The following HCRTR2 variants were observed in gnomAD, a reference collection of about 807,000 sequenced individuals.
HCRTR2 encodes orexin receptor type 2.
HCRTR2 carries 22 observed loss-of-function variants against 49.0 expected under a neutral mutation model. The observed-to-expected ratio is 0.45, with a 90% confidence interval of 0.32 to 0.64. The LOEUF is 0.64. HCRTR2 is among the 30% of genes least tolerant of loss of function. HCRTR2 has a pLI of 0.04. For synonymous variants in HCRTR2, 236 were observed against 205.3 expected (o/e 1.15, Z -1.28); for missense variants, 491 against 559.4 (o/e 0.88, Z 1.23).
At chr6:55,141,021 TGACA>T (rs1180371489) in intron 1 of HCRTR2, among the ~76,000 whole-genome samples, 1 of 152,092 alleles carries the variant, frequency 6.6e-6, no homozygotes, top group African/African-American at 2.4e-5. Context: ...ATATATCAAG[TGACA>T]GACAATGTCC....
intron 1 of HCRTR2, among the ~76,000 whole-genome samples, chr6:55,129,767 T>C (rs1764329100): frequency 6.6e-6 from 1 of 152,010 alleles, no homozygotes; most frequent in Non-Finnish European, 1.5e-5. Flanking sequence ...ACTTTGTCCC[T>C]ATAAAATACA....
chr6:55,193,150 C>T (rs1269127298), intron 1 of HCRTR2, among the ~76,000 whole-genome samples: 1 of 152,126 alleles, frequency 6.6e-6, no homozygotes, highest in Non-Finnish European at 1.5e-5. Flanking sequence ...AATTGGCAAG[C>T]ACTCTTCTGA....
At chr6:55,245,763 G>A (rs908491906) in intron 1 of HCRTR2, among the ~76,000 whole-genome samples, 4 of 151,616 alleles carry the variant, frequency 2.6e-5, no homozygotes, top group African/African-American at 9.7e-5. Context: ...TTATCTTTAG[G>A]CTGGAGAAGC....
At chr6:55,128,609 T>G (rs1764313067) in intron 1 of HCRTR2, among the ~76,000 whole-genome samples, 1 of 152,336 alleles carries the variant, frequency 6.6e-6, no homozygotes, top group South Asian at 2.1e-4. Context: ...GAGCAGTGGC[T>G]TATAGTTCTT....
At chr6:55,238,477 A>G (rs1057431172) in intron 1 of HCRTR2, among the ~76,000 whole-genome samples, 25 of 152,176 alleles carry the variant, frequency 1.6e-4, no homozygotes, top group African/African-American at 5.3e-4. Context: ...TGTTGCTTAA[A>G]ATCTGTCAGT....
intron 2 of HCRTR2, 56 bp from the exon 3 acceptor site, chr6:55,255,080 A>G: frequency 6.3e-7 from 1 of 1,589,820 alleles, no homozygotes; most frequent in East Asian, 2.3e-5. Context: ...ATATATTAAG[A>G]GTAATTCTTT....
At chr6:55,270,574 G>A (rs1766953757) in intron 4 of HCRTR2, among the ~76,000 whole-genome samples, 1 of 152,168 alleles carries the variant, frequency 6.6e-6, no homozygotes, top group African/African-American at 2.4e-5. Flanking sequence ...GATGCCAGAA[G>A]TGGAAAAGTC....
intron 1 of HCRTR2, among the ~76,000 whole-genome samples, chr6:55,163,979 C>G (rs1360096087): frequency 6.6e-6 from 1 of 151,984 alleles, no homozygotes; most frequent in African/African-American, 2.4e-5. Context: ...GAACAGACAC[C>G]TCTCAAAAGA....
intron 2 of HCRTR2, among the ~76,000 whole-genome samples, chr6:55,252,986 T>C (rs920669356): frequency 6.6e-6 from 1 of 152,038 alleles, no homozygotes; most frequent in Non-Finnish European, 1.5e-5. Context: ...GGTTAGGTAC[T>C]ATTAATCATC....
intron 1 of HCRTR2, among the ~76,000 whole-genome samples, chr6:55,244,659 G>A (rs1478633920): frequency 6.6e-6 from 1 of 151,960 alleles, no homozygotes; most frequent in Non-Finnish European, 1.5e-5. Flanking sequence ...ACGGGTGAGT[G>A]GGTTACTGAA....
chr6:55,202,380 T>C (rs893529606), intron 1 of HCRTR2, among the ~76,000 whole-genome samples: 11 of 152,208 alleles, frequency 7.2e-5, no homozygotes, highest in African/African-American at 2.2e-4. Context: ...GTGGAGGTGA[T>C]AGACATTCAT....
chr6:55,142,945 A>G (rs1250898077), intron 1 of HCRTR2, among the ~76,000 whole-genome samples: 1 of 150,228 alleles, frequency 6.7e-6, no homozygotes, highest in Non-Finnish European at 1.5e-5. Flanking sequence ...ACAATCTACA[A>G]ATAAATAGAT....
chr6:55,217,295 C>A (rs1027384565), intron 1 of HCRTR2, among the ~76,000 whole-genome samples: 2 of 152,200 alleles, frequency 1.3e-5, no homozygotes, highest in South Asian at 4.1e-4. Flanking sequence ...CAGTGCTAAT[C>A]TCTTTAGCAA....
chr6:55,228,005 T>C (rs909641589), intron 1 of HCRTR2, among the ~76,000 whole-genome samples: 3 of 152,106 alleles, frequency 2.0e-5, no homozygotes, highest in African/African-American at 7.2e-5. Flanking sequence ...GCTTACTTGT[T>C]TGGGCCTCAG....
At chr6:55,171,607 G>A (rs1285284658), upstream of HCRTR2, among the ~76,000 whole-genome samples, 6 of 152,184 alleles carry the variant, frequency 3.9e-5, no homozygotes, top group African/African-American at 1.4e-4. Context: ...TTATGACATT[G>A]GAGTACCACA....
intron 1 of HCRTR2, among the ~76,000 whole-genome samples, chr6:55,235,655 T>G (rs1032371080): frequency 6.6e-6 from 1 of 152,094 alleles, no homozygotes; most frequent in Admixed American, 6.6e-5. Flanking sequence ...TGTTTGTATA[T>G]GATGTGATGT....
chr6:55,284,008 T>C (rs1169793978), downstream of HCRTR2, among the ~76,000 whole-genome samples: 1 of 152,198 alleles, frequency 6.6e-6, no homozygotes, highest in Non-Finnish European at 1.5e-5. Flanking sequence ...CTCTCCTTTC[T>C]CCCCTTTGTA....
intron 1 of HCRTR2, among the ~76,000 whole-genome samples, chr6:55,205,914 G>A (rs145133771): frequency 1.6e-4 from 25 of 151,804 alleles, no homozygotes; most frequent in East Asian, 1.2e-3. Flanking sequence ...TAATTGTAGC[G>A]TTGCATGCCT....
intron 1 of HCRTR2, among the ~76,000 whole-genome samples, chr6:55,144,516 G>C (rs1308249210): frequency 6.6e-6 from 1 of 152,182 alleles, no homozygotes. Flanking sequence ...ACCAGGGCCA[G>C]TTTTGTGGAA....
Sources: gnomAD v4.1 joint callset for allele counts (sites outside exome capture counted in the v4.1 genomes callset) on GRCh38, gnomAD v4.1.1 for gene constraint, MANE v1.5 for transcripts, NCBI Gene and HGNC (gene_info 2026-07-23, HGNC 2026-07-21) for gene names.